The following CNTN5 variants were observed in gnomAD, a reference collection of about 807,000 sequenced individuals.
CNTN5 encodes the protein contactin-5.
In CNTN5, 77 loss-of-function variants were observed where a neutral mutation model predicts 129.1. The observed-to-expected ratio is 0.60, with a 90% CI of 0.50 to 0.72. CNTN5 has a LOEUF of 0.72. Among genes scored for constraint, CNTN5 ranks in the 30% least tolerant of loss-of-function variants. CNTN5 has a pLI of 0.00. For missense variants in CNTN5, 1,478 were observed against 1,328.8 expected, an observed-to-expected ratio of 1.11 and a Z score of -1.75; for synonymous variants, 509 against 465.6, an observed-to-expected ratio of 1.09 and a Z score of -1.20.
rs191520058 is a variant in CNTN5 at position 99,588,212 on chromosome 11, C to A, written c.55+31943C>A. On this transcript the variant is annotated intron_variant, in intron 3 of 24. Coordinates refer to ENST00000524871, the MANE Select transcript of CNTN5 (RefSeq NM_014361.4). ...ACAAAAAATTAGCTGGGCCTATTGG[C>A]GGACGCCTATAGTCCCAGCTACTCA... Among the ~76,000 whole-genome samples, 971 of 152,104 alleles carry A rather than the reference C, an allele frequency of 6.4e-3. 3 individuals carry two copies. The highest frequency in any genetic ancestry group is 0.011 in the Non-Finnish European group (748 of 67,966).
At chr11:99,523,597 G>GATAGAATAGAATAGA (rs541032430) in intron 2 of CNTN5, among the ~76,000 whole-genome samples, 14 of 127,480 alleles carry the variant, frequency 1.1e-4, no homozygotes, top group South Asian at 2.6e-4. Context: ...CTCAAAGAAA[G>GATAGAATAGAATAGA]ATAGAATAGA....
At chr11:100,244,028 T>G (rs551900404) in intron 16 of CNTN5, among the ~76,000 whole-genome samples, 1 of 152,302 alleles carries the variant, frequency 6.6e-6, no homozygotes, top group African/African-American at 2.4e-5. Flanking sequence ...TTACTTTTCC[T>G]TTATTAAGCC....
chr11:100,343,123 C>T (rs1430940638), intron 23 of CNTN5, among the ~76,000 whole-genome samples: 3 of 152,080 alleles, frequency 2.0e-5, no homozygotes, highest in Admixed American at 1.3e-4. Flanking sequence ...AGAAACTGAT[C>T]GTTAAAAGTT....
chr11:99,334,150 AC>A, intron 2 of CNTN5, among the ~76,000 whole-genome samples: 1 of 360 alleles, frequency 2.8e-3, no homozygotes, highest in Non-Finnish European at 5.1e-3. Context: ...TCAGACTCTC[AC>A]TCACAAATAC....
At chr11:99,064,141 A>T (rs1865004162) in intron 1 of CNTN5, among the ~76,000 whole-genome samples, 2 of 152,072 alleles carry the variant, frequency 1.3e-5, no homozygotes, top group Non-Finnish European at 2.9e-5. Flanking sequence ...GAGTCACCCC[A>T]TTTGTTTAGT....
At chr11:99,771,352 T>A (rs911056074) in intron 3 of CNTN5, among the ~76,000 whole-genome samples, 1 of 150,522 alleles carries the variant, frequency 6.6e-6, no homozygotes, top group Admixed American at 6.6e-5. Context: ...ATGAATAAAG[T>A]AAACGTGAAA....
chr11:99,502,135 G>A (rs1216711134), intron 2 of CNTN5, among the ~76,000 whole-genome samples: 2 of 152,138 alleles, frequency 1.3e-5, no homozygotes, highest in Non-Finnish European at 2.9e-5. Flanking sequence ...CAATTCAATT[G>A]TATTATGTTG....
At chr11:99,711,107 G>A (rs1202360550) in intron 3 of CNTN5, among the ~76,000 whole-genome samples, 5 of 151,718 alleles carry the variant, frequency 3.3e-5, no homozygotes, top group Admixed American at 6.6e-5. Flanking sequence ...CGACAGAATC[G>A]TTTCAAAACA....
chr11:99,796,646 G>A (rs1286952780), intron 3 of CNTN5, among the ~76,000 whole-genome samples: 2 of 151,486 alleles, frequency 1.3e-5, no homozygotes, highest in Admixed American at 1.3e-4. Context: ...AGCAGACAGG[G>A]GGCTGCTCTG....
At chr11:99,961,490 A>G (rs937175605) in intron 8 of CNTN5, among the ~76,000 whole-genome samples, 3 of 152,208 alleles carry the variant, frequency 2.0e-5, no homozygotes, top group African/African-American at 7.2e-5. Flanking sequence ...AACACAGAAT[A>G]AAGTGTAAGG....
At chr11:99,734,905 G>C in intron 3 of CNTN5, among the ~76,000 whole-genome samples, 1 of 152,232 alleles carries the variant, frequency 6.6e-6, no homozygotes, top group Non-Finnish European at 1.5e-5. Context: ...CTACTAGGGA[G>C]GCTGAGGCAA....
intron 21 of CNTN5, among the ~76,000 whole-genome samples, chr11:100,335,948 A>G (rs1462186717): frequency 6.6e-6 from 1 of 152,176 alleles, no homozygotes; most frequent in Non-Finnish European, 1.5e-5. Flanking sequence ...ATTAAAAAAC[A>G]TATACTTACA....
At chr11:99,687,522 A>G (rs1337718889) in intron 3 of CNTN5, among the ~76,000 whole-genome samples, 1 of 152,212 alleles carries the variant, frequency 6.6e-6, no homozygotes, top group African/African-American at 2.4e-5. Context: ...TCAAAGGTCA[A>G]GGCCAGAAGG....
chr11:100,282,690 C>T lies in CNTN5; in HGVS notation c.2314+11449C>T, dbSNP rs186180426. ...TTCAGGGTGGTGAGTTCCCCTAGGG[C>T]CTAGGCGGATCCAGAGGTGCCATTC... On this transcript the variant is annotated intron_variant, in intron 18 of 24. Coordinates refer to ENST00000524871, the MANE Select transcript of CNTN5 (RefSeq NM_014361.4). Among the ~76,000 whole-genome samples the T allele has an allele frequency of 1.6e-4, 25 of 152,320 alleles. No homozygotes were observed. The East Asian group carries it at 3.9e-3, about 24-fold the overall frequency.
chr11:99,924,355 C>G (rs1950012567), intron 7 of CNTN5, among the ~76,000 whole-genome samples: 1 of 151,956 alleles, frequency 6.6e-6, no homozygotes, highest in South Asian at 2.1e-4. Context: ...AGGTTTTCTT[C>G]TAGGATTTTT....
chr11:100,239,881 A>G (rs1316393574), intron 16 of CNTN5, among the ~76,000 whole-genome samples: 1 of 152,214 alleles, frequency 6.6e-6, no homozygotes, highest in African/African-American at 2.4e-5. Flanking sequence ...AATCACAAAA[A>G]AAGAATGGCA....
intron 3 of CNTN5, among the ~76,000 whole-genome samples, chr11:99,767,717 C>G (rs750807558): frequency 4.6e-5 from 7 of 151,428 alleles, no homozygotes; most frequent in Non-Finnish European, 7.4e-5. Flanking sequence ...AGACCTGGAC[C>G]TAAGTACTCT....
At chr11:100,160,490 A>T (rs1032064211) in intron 13 of CNTN5, among the ~76,000 whole-genome samples, 10 of 152,102 alleles carry the variant, frequency 6.6e-5, no homozygotes, top group Admixed American at 5.3e-4. Context: ...CAGATGAAGA[A>T]AGATGATTGT....
intron 1 of CNTN5, among the ~76,000 whole-genome samples, chr11:99,248,470 G>T (rs538235954): frequency 6.6e-6 from 1 of 152,166 alleles, no homozygotes; most frequent in African/African-American, 2.4e-5. Context: ...AGTTTAATTA[G>T]ATCCCATTTG....
Sources: gnomAD v4.1 joint callset for allele counts (sites outside exome capture counted in the v4.1 genomes callset) on GRCh38, gnomAD v4.1.1 for gene constraint, MANE v1.5 for transcripts, NCBI Gene and HGNC (gene_info 2026-07-23, HGNC 2026-07-21) for gene names.